Variants in MRPS6 observed in about 807,000 individuals in gnomAD.
The protein encoded by MRPS6 is small ribosomal subunit protein bS6m.
In MRPS6, 6 loss-of-function variants were observed where a neutral mutation model predicts 13.1. The observed-to-expected ratio is 0.46, with a 90% confidence interval of 0.25 to 0.91. The LOEUF (loss-of-function observed/expected upper bound fraction) is 0.91. Ranked by LOEUF, MRPS6 falls within the 40% of genes least tolerant of loss-of-function variation. MRPS6 has a pLI of 0.18. For synonymous variants in MRPS6, 61 were observed against 56.5 expected (o/e 1.08, Z -0.36); for missense variants, 164 against 155.6 (o/e 1.05, Z -0.29).
At chr21:34,097,691 G>A (rs1979033189) in intron 1 of MRPS6, 1 of 1,023,612 alleles carries the variant, frequency 9.8e-7, no homozygotes, top group Non-Finnish European at 1.2e-6. Context: ...TGTCTGCACT[G>A]CCAAGTCTTG....
chr21:34,077,190 A>G (rs941116995), intron 1 of MRPS6, among the ~76,000 whole-genome samples: 5 of 152,224 alleles, frequency 3.3e-5, no homozygotes, highest in Admixed American at 2.6e-4. Context: ...AAAGGTTGGT[A>G]TTTCAGTTAG....
intron 2 of MRPS6, among the ~76,000 whole-genome samples, chr21:34,141,644 C>T (rs1451935008): frequency 6.6e-6 from 1 of 152,254 alleles, no homozygotes. Context: ...GACCTTTAGT[C>T]ACATAATGGT....
chr21:34,079,448 T>TA (rs1352929526), intron 1 of MRPS6, among the ~76,000 whole-genome samples: 10 of 152,018 alleles, frequency 6.6e-5, no homozygotes, highest in Admixed American at 3.9e-4. Context: ...TTCTTTCTGT[T>TA]TTTTTGAGAC....
At chr21:34,113,096 TGAC>T (rs751201621) in intron 1 of MRPS6, among the ~76,000 whole-genome samples, 1 of 152,142 alleles carries the variant, frequency 6.6e-6, no homozygotes, top group Non-Finnish European at 1.5e-5. Flanking sequence ...ATACAAATGT[TGAC>T]GAGGATATGG....
intron 2 of MRPS6, among the ~76,000 whole-genome samples, chr21:34,138,880 A>C (rs1045999529): frequency 2.6e-5 from 4 of 152,114 alleles, no homozygotes; most frequent in Non-Finnish European, 4.4e-5. Flanking sequence ...ATAAAGACAC[A>C]TGCATACATA....
intron 1 of MRPS6, among the ~76,000 whole-genome samples, chr21:34,113,073 T>C (rs959418208): frequency 1.3e-5 from 2 of 152,120 alleles, no homozygotes; most frequent in African/African-American, 2.4e-5. Context: ...ATGGCTATTA[T>C]GAAAAAGACA....
In MRPS6 at chr21:34,142,974, C is replaced by T. The variant is rs371811509; in HGVS notation, c.*374C>T. On this transcript the variant is annotated 3_prime_UTR_variant, in exon 3 of 3. Coordinates refer to ENST00000399312, the MANE Select transcript of MRPS6 (RefSeq NM_032476.4). Reference sequence around the variant, plus strand: ...GTAACCATGTGGAAATAAAAATTGACGACCAATGTATTATATGGACAACTT... The same window carrying T: ...GTAACCATGTGGAAATAAAAATTGATGACCAATGTATTATATGGACAACTT... 296 of 162,046 alleles carry T rather than the reference C, an allele frequency of 1.8e-3. No homozygotes were observed. The highest frequency in any genetic ancestry group is 6.5e-3 in the African/African-American group (272 of 41,852). The allele number at this position is 162,046 out of a possible 1,614,324, so 10.0% of individuals were successfully genotyped here.
At position 34,125,450 on chromosome 21, in the gene MRPS6, C is replaced by CTG; in HGVS notation, c.156_157dup (p.Ala53ValfsTer35). On this transcript the variant is annotated frameshift_variant, in exon 2 of 3. Transcript: ENST00000399312. LOFTEE classifies it high-confidence loss of function. ...GAACGAGCGCTTCCTTATAGGATCT[C>CTG]TGCCCACAGTCAGCAGCACAACAGA... 2 of 1,614,084 alleles carry CTG rather than the reference C, an allele frequency of 1.2e-6. No homozygotes were observed. The highest frequency in any genetic ancestry group is 1.7e-6 in the Non-Finnish European group (2 of 1,179,948).
At chr21:34,128,834 T>C (rs1232323554) in intron 2 of MRPS6, among the ~76,000 whole-genome samples, 1 of 152,214 alleles carries the variant, frequency 6.6e-6, no homozygotes, top group African/African-American at 2.4e-5. Flanking sequence ...GGCAGCAGAA[T>C]GGGGCCTGGA....
chr21:34,100,337 G>A (rs147941537), intron 1 of MRPS6: 2 of 1,000,004 alleles, frequency 2.0e-6, no homozygotes, highest in African/African-American at 3.5e-5. Context: ...TAATTTCCCT[G>A]GTCATCTTTC....
At chr21:34,128,050 A>G (rs1348866290) in intron 2 of MRPS6, among the ~76,000 whole-genome samples, 3 of 152,316 alleles carry the variant, frequency 2.0e-5, no homozygotes, top group Admixed American at 2.0e-4. Context: ...TCCACATTCT[A>G]TCATGGTACT....
intron 1 of MRPS6, among the ~76,000 whole-genome samples, chr21:34,115,832 ATGGAATACTCCACTTGTTT>A (rs1167154672): frequency 1.3e-5 from 2 of 152,186 alleles, no homozygotes; most frequent in East Asian, 1.9e-4. Flanking sequence ...AGAAAAAAAA[ATGGAATACTCCACTTGTTT>A]TGCTACCTAG....
intron 1 of MRPS6, among the ~76,000 whole-genome samples, chr21:34,107,729 T>G (rs1979538013): frequency 6.6e-6 from 1 of 152,264 alleles, no homozygotes; most frequent in African/African-American, 2.4e-5. Context: ...TATTCATTAC[T>G]GTCATTATTT....
intron 2 of MRPS6, among the ~76,000 whole-genome samples, chr21:34,137,358 T>C (rs559756512): frequency 1.3e-5 from 2 of 152,370 alleles, no homozygotes; most frequent in East Asian, 3.9e-4. Context: ...TTTTGTAGTT[T>C]TGCATACCTT....
At chr21:34,118,549 C>T (rs1029465073) in intron 1 of MRPS6, among the ~76,000 whole-genome samples, 2 of 144,780 alleles carry the variant, frequency 1.4e-5, no homozygotes, top group Non-Finnish European at 3.0e-5. Flanking sequence ...ACATTTCTTT[C>T]TTTCTTTCTT....
chr21:34,137,512 T>G (rs993047269), intron 2 of MRPS6, among the ~76,000 whole-genome samples: 1 of 152,228 alleles, frequency 6.6e-6, no homozygotes, highest in Non-Finnish European at 1.5e-5. Flanking sequence ...TCTTAATACT[T>G]TCTCAAAACA....
At chr21:34,105,234 G>A (rs1979424301) in intron 1 of MRPS6, 1 of 1,000,184 alleles carries the variant, frequency 1.0e-6, no homozygotes, top group Middle Eastern at 5.2e-4. Context: ...TCTTTGCTTG[G>A]ACATCCCATT....
At chr21:34,102,401 T>C (rs1430848382) in intron 1 of MRPS6, 1 of 999,902 alleles carries the variant, frequency 1.0e-6, no homozygotes, top group African/African-American at 1.7e-5. Flanking sequence ...TCTAAACTTC[T>C]TTATAAAAAG....
intron 1 of MRPS6, among the ~76,000 whole-genome samples, chr21:34,087,409 A>G (rs2148656030): frequency 6.6e-6 from 1 of 152,354 alleles, no homozygotes; most frequent in South Asian, 2.1e-4. Flanking sequence ...ACATTTGAGC[A>G]CCTGTAATAT....
Sources: gnomAD v4.1 joint callset for allele counts (sites outside exome capture counted in the v4.1 genomes callset) on GRCh38, gnomAD v4.1.1 for gene constraint, MANE v1.5 for transcripts, NCBI Gene and HGNC (gene_info 2026-07-23, HGNC 2026-07-21) for gene names.